Variants in ADHFE1 observed in about 807,000 individuals in gnomAD.
ADHFE1 encodes the protein hydroxyacid-oxoacid transhydrogenase, mitochondrial.
A neutral mutation model predicts 54.8 loss-of-function variants in ADHFE1; 37 were observed. That is an observed-to-expected ratio of 0.68 (90% CI 0.52 to 0.89). The LOEUF (loss-of-function observed/expected upper bound fraction) is 0.89. Ranked by LOEUF, ADHFE1 falls within the 40% of genes least tolerant of loss-of-function variation. The probability of loss-of-function intolerance (pLI) is 0.00; values close to 1 mark genes in which losing one functional copy is unlikely to be tolerated. For missense variants in ADHFE1, 601 were observed against 591.2 expected, an observed-to-expected ratio of 1.02 and a Z score of -0.17; for synonymous variants, 203 against 229.3, an observed-to-expected ratio of 0.89 and a Z score of 1.04.
chr8:66,467,130 C>T (rs890728641), intron 13 of ADHFE1, among the ~76,000 whole-genome samples: 2 of 152,106 alleles, frequency 1.3e-5, no homozygotes, highest in African/African-American at 2.4e-5. Context: ...GCTGGACAGG[C>T]GAGTGATAGC....
intron 13 of ADHFE1, among the ~76,000 whole-genome samples, chr8:66,463,340 C>G (rs1807002783): frequency 6.6e-6 from 1 of 152,138 alleles, no homozygotes; most frequent in Non-Finnish European, 1.5e-5. Context: ...TAAATGGAAT[C>G]TTTTGGATAT....
intron 13 of ADHFE1, among the ~76,000 whole-genome samples, chr8:66,464,524 A>G (rs1344163317): frequency 6.6e-6 from 1 of 152,180 alleles, no homozygotes; most frequent in African/African-American, 2.4e-5. Context: ...AAACACATAC[A>G]TAATGAGACC....
At chr8:66,456,957 T>C in intron 11 of ADHFE1, 62 bp downstream of exon 11, 2 of 1,454,148 alleles carry the variant, frequency 1.4e-6, no homozygotes, top group Non-Finnish European at 1.8e-6. Flanking sequence ...TCCATAAATA[T>C]ATTTGCCAAT....
At chr8:66,434,051 G>A (rs1014517978) in intron 1 of ADHFE1, among the ~76,000 whole-genome samples, 3 of 152,202 alleles carry the variant, frequency 2.0e-5, no homozygotes, top group Non-Finnish European at 4.4e-5. Context: ...AAGGACTAGA[G>A]GTCATTGTCC....
intron 12 of ADHFE1, chr8:66,460,020 C>T (rs756631213): frequency 4.7e-5 from 17 of 364,790 alleles, no homozygotes; most frequent in Middle Eastern, 7.4e-4. Context: ...ATCCCAGCAC[C>T]AGCCGACTTT....
At chr8:66,463,583 G>A (rs1807016863) in intron 13 of ADHFE1, among the ~76,000 whole-genome samples, 1 of 151,984 alleles carries the variant, frequency 6.6e-6, no homozygotes, top group African/African-American at 2.4e-5. Flanking sequence ...TGTCCATTTT[G>A]CAGATGAATA....
chr8:66,466,469 A>T (rs1807193383), intron 13 of ADHFE1, among the ~76,000 whole-genome samples: 1 of 152,090 alleles, frequency 6.6e-6, no homozygotes, highest in Non-Finnish European at 1.5e-5. Context: ...TTAGGGTTCT[A>T]GCTCTTACAT....
rs1807315588 is a variant in ADHFE1, at chr8:66,468,681, T to A, written c.*329T>A. The A allele has an allele frequency of 6.3e-6, 1 of 159,742 alleles. No homozygotes were observed. Among genetic ancestry groups the A allele is most frequent in the Non-Finnish European group, 1.4e-5 (1 of 73,182 alleles). The allele number at this position is 159,742 out of a possible 1,614,324, so 9.9% of individuals were successfully genotyped here. On this transcript the variant is annotated 3_prime_UTR_variant, in exon 14 of 14. Coordinates refer to ENST00000396623, the MANE Select transcript of ADHFE1 (RefSeq NM_144650.3). Reference sequence around the variant, plus strand: ...GTATCTATCAAAAGTGTAAATTATATTTCCTATGCCTAGTAATTCACTTCA... The same window carrying A: ...GTATCTATCAAAAGTGTAAATTATAATTCCTATGCCTAGTAATTCACTTCA...
chr8:66,444,172 G>T (rs993843981), intron 3 of ADHFE1, among the ~76,000 whole-genome samples, 195 bp from the exon 4 acceptor site: 2 of 152,198 alleles, frequency 1.3e-5, no homozygotes, highest in Non-Finnish European at 2.9e-5. Flanking sequence ...CAAATGACAG[G>T]AGCTGAAGTT....
At chr8:66,458,832 C>A (rs1205639011) in intron 12 of ADHFE1, among the ~76,000 whole-genome samples, 1 of 152,256 alleles carries the variant, frequency 6.6e-6, no homozygotes, top group East Asian at 1.9e-4. Context: ...TGTAACACTT[C>A]ATAGGAAAAT....
chr8:66,435,535 A>G (rs1267508103), intron 1 of ADHFE1, among the ~76,000 whole-genome samples: 2 of 148,794 alleles, frequency 1.3e-5, no homozygotes, highest in Non-Finnish European at 3.0e-5. Flanking sequence ...CCTCCCTTTT[A>G]TAAGGCTATG....
chr8:66,465,005 G>T (rs1807093695), intron 13 of ADHFE1, among the ~76,000 whole-genome samples: 1 of 152,180 alleles, frequency 6.6e-6, no homozygotes, highest in Non-Finnish European at 1.5e-5. Flanking sequence ...ACCCAGCACA[G>T]TGCCTTTAGT....
At chr8:66,451,386 C>G (rs1045244594) in intron 8 of ADHFE1, among the ~76,000 whole-genome samples, 6 of 152,160 alleles carry the variant, frequency 3.9e-5, no homozygotes, top group Non-Finnish European at 5.9e-5. Context: ...CATCATGAAC[C>G]AGTACTATTA....
intron 7 of ADHFE1, 114 bp downstream of exon 7, chr8:66,447,455 T>G: frequency 1.2e-6 from 1 of 856,484 alleles, no homozygotes; most frequent in Non-Finnish European, 1.8e-6. Context: ...GCCCCAATAT[T>G]CTATAGAAGA....
chr8:66,433,887 GTCA>G (rs1369427073), intron 1 of ADHFE1, among the ~76,000 whole-genome samples: 6 of 152,020 alleles, frequency 3.9e-5, no homozygotes, highest in African/African-American at 1.5e-4. Context: ...GTAAACCTGT[GTCA>G]TCATAGAACT....
At chr8:66,466,853 G>A (rs1366901069) in intron 13 of ADHFE1, among the ~76,000 whole-genome samples, 8 of 152,158 alleles carry the variant, frequency 5.3e-5, no homozygotes, top group East Asian at 3.8e-4. Flanking sequence ...CAGGGTCAAC[G>A]TTAGCATATT....
In ADHFE1 at chr8:66,445,376, G is replaced by C; in HGVS notation, c.512G>C (p.Gly171Ala). The C allele has an allele frequency of 6.2e-7, 1 of 1,613,730 alleles. No homozygotes were observed. The change falls in exon 6 of 14, where the codon GGA (glycine) becomes GCA (alanine). Residue 171 changes from glycine to alanine, a missense_variant. Physicochemically the swap from Gly to Ala is moderately conservative, Grantham distance 60. Coordinates refer to ENST00000396623, the MANE Select transcript of ADHFE1 (RefSeq NM_144650.3). Reference protein sequence around the residue: ...LDYVSAPIGKGKPVSVPLKPL... With the variant: ...LDYVSAPIGKAKPVSVPLKPL... ...TATGTCAGTGCCCCCATTGGCAAGG[G>C]AAAGCCTGTGTCTGTGCCTCTTAAG... is the stretch of plus-strand genomic sequence containing the variant.
At chr8:66,438,639 C>G (rs1805583077) in intron 1 of ADHFE1, among the ~76,000 whole-genome samples, 1 of 151,952 alleles carries the variant, frequency 6.6e-6, no homozygotes, top group Non-Finnish European at 1.5e-5. Flanking sequence ...ACGAAGCCAG[C>G]AAATGTAGGT....
chr8:66,439,757 G>A lies in ADHFE1; in HGVS notation c.60-405G>A. The A allele has an allele frequency of 9.8e-7, 1 of 1,020,664 alleles. No homozygotes were observed. The highest frequency in any genetic ancestry group is 1.2e-6 in the Non-Finnish European group (1 of 852,820). The allele number at this position is 1,020,664 out of a possible 1,614,324, so 63.2% of individuals were successfully genotyped here. A position where few individuals can be genotyped will look rare whatever the true frequency, so the allele number is the denominator to read the frequency against. ...TAAGGCAAGTTCCCAGCATAGGGTA[G>A]TAAGTAAGAAGAGGCACACAGAGTT... On this transcript the variant is annotated intron_variant, in intron 1 of 13. Coordinates refer to ENST00000396623, the MANE Select transcript of ADHFE1 (RefSeq NM_144650.3). This position sits in a 1 kb window ranked among gnomAD's most constrained non-coding sequence, Gnocchi z 4.4.
Sources: gnomAD v4.1 joint callset for allele counts (sites outside exome capture counted in the v4.1 genomes callset) on GRCh38, gnomAD v4.1.1 for gene constraint, Gnocchi (gnomAD v3.1) non-coding constraint, MANE v1.5 for transcripts, NCBI Gene and HGNC (gene_info 2026-07-23, HGNC 2026-07-21) for gene names.